The following UBE2D1 variants were observed in gnomAD, a reference collection of about 807,000 sequenced individuals.
UBE2D1 encodes ubiquitin-conjugating enzyme E2 D1.
UBE2D1 carries 9 observed loss-of-function variants against 24.6 expected under a neutral mutation model. The observed-to-expected ratio is 0.37, with a 90% CI of 0.22 to 0.64. UBE2D1 has a LOEUF of 0.64. Among genes scored for constraint, UBE2D1 ranks in the 30% least tolerant of loss-of-function variants. UBE2D1 has a pLI of 0.64. For missense variants in UBE2D1, 87 were observed against 177.1 expected (o/e 0.49, Z 2.89); for synonymous variants, 57 against 57.6 (o/e 0.99, Z 0.04).
intron 5 of UBE2D1, among the ~76,000 whole-genome samples, chr10:58,365,716 AG>A (rs376656588): frequency 2.6e-5 from 4 of 152,216 alleles, no homozygotes; most frequent in African/African-American, 9.6e-5. Context: ...AGAACCTGAC[AG>A]TTGGAAAATA....
chr10:58,335,301 A>G, intron 1 of UBE2D1, 76 bp downstream of exon 1: 1 of 1,427,056 alleles, frequency 7.0e-7, no homozygotes, highest in South Asian at 1.4e-5. Flanking sequence ...TGGTCCCGAG[A>G]GACATGCGGG....
At chr10:58,339,664 A>G (rs988924074) in intron 1 of UBE2D1, among the ~76,000 whole-genome samples, 2 of 152,094 alleles carry the variant, frequency 1.3e-5, no homozygotes, top group Admixed American at 1.3e-4. Flanking sequence ...ATACTAAGGC[A>G]GGGAAATATT....
intron 1 of UBE2D1, among the ~76,000 whole-genome samples, chr10:58,347,343 G>GT (rs1840027653): frequency 6.6e-6 from 1 of 152,144 alleles, no homozygotes; most frequent in Admixed American, 6.6e-5. Flanking sequence ...CATTTTTACT[G>GT]TAAGCCTTCA....
At chr10:58,368,175 G>T in intron 6 of UBE2D1, 159 bp downstream of exon 6, 1 of 536,996 alleles carries the variant, frequency 1.9e-6, no homozygotes, top group Non-Finnish European at 3.3e-6. Context: ...TGAGAACTCT[G>T]TTAGACCTTT....
intron 1 of UBE2D1, among the ~76,000 whole-genome samples, chr10:58,354,757 C>G (rs1589000616): frequency 6.6e-6 from 1 of 152,090 alleles, no homozygotes; most frequent in South Asian, 2.1e-4. Context: ...ATCACTTGAA[C>G]CTGGGTGGTG....
chr10:58,361,327 A>T lies in UBE2D1; in HGVS notation c.25-11A>T. The T allele has an allele frequency of 6.2e-7, 1 of 1,614,076 alleles. No homozygotes were observed. Among genetic ancestry groups the T allele is most frequent in the Non-Finnish European group, 8.5e-7 (1 of 1,179,976 alleles). On this transcript the variant is annotated splice_polypyrimidine_tract_variant and intron_variant, in intron 1 of 6. Transcript: ENST00000373910. The stretch of plus-strand genomic sequence containing the variant: ...AAGGAATTAACCTTACATATTTTTG[A>T]TTTCCTTCAGGAATTGAGTGATCTA...
intron 6 of UBE2D1, chr10:58,368,250 A>G (rs966938851): frequency 5.5e-6 from 2 of 362,978 alleles, no homozygotes; most frequent in Non-Finnish European, 1.0e-5. Context: ...TGAAAAATAG[A>G]TGTATATATT....
In UBE2D1 at chr10:58,370,722, T is replaced by C. The variant is rs987609512; in HGVS notation, c.*1957T>C. The C allele has an allele frequency of 4.6e-5, 7 of 152,534 alleles. No individual in the cohort carries two copies. The East Asian group carries it at 9.6e-4, about 21-fold the overall frequency. 9.4% of individuals were successfully genotyped at this position (152,534 alleles called of 1,614,324 possible). ...TTATTTTTGGAAGTGTCTTCTTTTTTTTCTTTATTAAAGTTTTTGAAACTT... is the reference window on the plus strand; with the variant it reads ...TTATTTTTGGAAGTGTCTTCTTTTTCTTCTTTATTAAAGTTTTTGAAACTT... On this transcript the variant is annotated 3_prime_UTR_variant, in exon 7 of 7. Transcript: ENST00000373910.
In UBE2D1 at chr10:58,370,417, T is replaced by C. The variant is rs1840303104; in HGVS notation, c.*1652T>C. 1 of 152,708 alleles carries C rather than the reference T, an allele frequency of 6.5e-6. No homozygotes were observed. Among genetic ancestry groups the C allele is most frequent in the South Asian group, 2.1e-4 (1 of 4,826 alleles). The allele number at this position is 152,708 out of a possible 1,614,324, so 9.5% of individuals were successfully genotyped here. A position where few individuals can be genotyped will look rare whatever the true frequency, so the allele number is the denominator to read the frequency against. On this transcript the variant is annotated 3_prime_UTR_variant, in exon 7 of 7. Transcript: ENST00000373910. Reference sequence around the variant, plus strand: ...CAAAATAACCTATTGTTAGAAAATATGTGTTTTTATAAATGAATGTAAAAT... The same window carrying C: ...CAAAATAACCTATTGTTAGAAAATACGTGTTTTTATAAATGAATGTAAAAT...
chr10:58,345,693 A>T (rs1840008080), intron 1 of UBE2D1, among the ~76,000 whole-genome samples: 1 of 152,208 alleles, frequency 6.6e-6, no homozygotes, highest in Admixed American at 6.5e-5. Flanking sequence ...CAAAGATGGG[A>T]GAGGCCAAAT....
At chr10:58,357,483 T>TG (rs1208886860) in intron 1 of UBE2D1, among the ~76,000 whole-genome samples, 6 of 152,058 alleles carry the variant, frequency 3.9e-5, no homozygotes, top group African/African-American at 1.4e-4. Context: ...GCAAAAAAAG[T>TG]GGGGTTTTTG....
intron 1 of UBE2D1, among the ~76,000 whole-genome samples, 190 bp from the exon 2 acceptor site, chr10:58,361,148 T>C (rs1170286416): frequency 1.3e-5 from 2 of 152,212 alleles, no homozygotes; most frequent in African/African-American, 2.4e-5. Flanking sequence ...GGTCTGAAGC[T>C]GTCTCATGGA....
At position 58,367,207 on chromosome 10, in the gene UBE2D1, C is replaced by T. The variant is rs549077806; in HGVS notation, c.305-716C>T. 5.3e-5 allele frequency among the ~76,000 whole-genome samples: 8 copies of T among 152,040 alleles called. No individual in the cohort carries two copies. The South Asian group carries it at 1.7e-3, about 32-fold the overall frequency. ...GAAATGGGAGGTTGGTCCAGAGGTT[C>T]CATGAACCTCCTCAGAAGTGGTGGC... On this transcript the variant is annotated intron_variant, in intron 5 of 6. Coordinates refer to ENST00000373910, the MANE Select transcript of UBE2D1 (RefSeq NM_003338.5).
chr10:58,353,871 T>G (rs1454487505), intron 1 of UBE2D1, among the ~76,000 whole-genome samples: 1 of 152,182 alleles, frequency 6.6e-6, no homozygotes, highest in Non-Finnish European at 1.5e-5. Flanking sequence ...ATATTGAAAT[T>G]TGAGATATTT....
Position 58,363,595 on chromosome 10 carries a change from T to A in UBE2D1, c.121-14T>A. The A allele has an allele frequency of 6.3e-7, 1 of 1,587,078 alleles. No individual in the cohort carries two copies. Among genetic ancestry groups the A allele is most frequent in the Non-Finnish European group, 8.6e-7 (1 of 1,166,296 alleles). Reference sequence around the variant, plus strand: ...TAGTAATCAAATGCTGATGCAAATCTTTTGTAATTTCAGCCTGATAGCGCA... The same window carrying A: ...TAGTAATCAAATGCTGATGCAAATCATTTGTAATTTCAGCCTGATAGCGCA... On this transcript the variant is annotated splice_polypyrimidine_tract_variant and intron_variant, in intron 3 of 6. Transcript: ENST00000373910.
At chr10:58,366,912 C>CT (rs1311986917) in intron 5 of UBE2D1, among the ~76,000 whole-genome samples, 3 of 152,044 alleles carry the variant, frequency 2.0e-5, no homozygotes, top group Non-Finnish European at 4.4e-5. Context: ...TCTTCTTTTG[C>CT]TTTTTATCAT....
intron 1 of UBE2D1, among the ~76,000 whole-genome samples, chr10:58,343,660 A>G (rs1012812233): frequency 2.0e-5 from 3 of 152,338 alleles, no homozygotes; most frequent in Non-Finnish European, 4.4e-5. Flanking sequence ...TGCATTTGAT[A>G]CAGACCGTAT....
intron 5 of UBE2D1, 109 bp from the exon 6 acceptor site, chr10:58,367,814 G>GT (rs58516265): frequency 7.5e-5 from 41 of 543,844 alleles, no homozygotes; most frequent in South Asian, 1.6e-4. Flanking sequence ...TTCATTTTAT[G>GT]TTTTTTTTAT....
chr10:58,363,503 A>T (rs1333894234), intron 3 of UBE2D1, 106 bp from the exon 4 acceptor site: 3 of 719,206 alleles, frequency 4.2e-6, no homozygotes, highest in Non-Finnish European at 2.2e-6. Context: ...AATTATTTTA[A>T]ACATGATGGC....
Sources: allele counts gnomAD v4.1 joint callset (sites outside exome capture counted in the v4.1 genomes callset), GRCh38; gene constraint gnomAD v4.1.1; transcripts MANE v1.5; gene names NCBI Gene and HGNC (gene_info 2026-07-23, HGNC 2026-07-21).